Variants in RGS7 observed in about 807,000 individuals in gnomAD.
RGS7 encodes regulator of G protein signaling 7, also known as regulator of G-protein signaling 7.
A neutral mutation model predicts 81.1 loss-of-function variants in RGS7; 27 were observed. That is an observed-to-expected ratio of 0.33 (90% CI 0.25 to 0.46). RGS7 has a LOEUF of 0.46. Ranked by LOEUF, RGS7 falls within the 20% of genes least tolerant of loss-of-function variation. The pLI is 1.00. For missense variants in RGS7, 396 were observed against 607.4 expected, an observed-to-expected ratio of 0.65 and a Z score of 3.66; for synonymous variants, 208 against 207.7, an observed-to-expected ratio of 1.00 and a Z score of -0.01.
At chr1:240,826,104 A>G (rs1005318774) in intron 10 of RGS7, among the ~76,000 whole-genome samples, 2 of 152,172 alleles carry the variant, frequency 1.3e-5, no homozygotes, top group Admixed American at 6.5e-5. Flanking sequence ...TGGGCCAGCC[A>G]CCAGAGAGAC....
chr1:241,287,180 G>C (rs1031935820), intron 2 of RGS7, among the ~76,000 whole-genome samples: 4 of 152,198 alleles, frequency 2.6e-5, no homozygotes, highest in African/African-American at 9.7e-5. Context: ...TTCTGAGGGT[G>C]TAATTGACAA....
intron 2 of RGS7, among the ~76,000 whole-genome samples, chr1:241,222,274 A>C (rs1293024874): frequency 6.6e-6 from 1 of 152,218 alleles, no homozygotes; most frequent in Non-Finnish European, 1.5e-5. Flanking sequence ...AGTGGTTCTC[A>C]AACTCAGCTG....
At chr1:241,095,975 T>G (rs74150214) in intron 3 of RGS7, among the ~76,000 whole-genome samples, 1 of 152,154 alleles carries the variant, frequency 6.6e-6, no homozygotes, top group Admixed American at 6.5e-5. Flanking sequence ...GAGCACAAAT[T>G]GGTAACTTGA....
At chr1:240,954,508 A>G (rs949129099) in intron 4 of RGS7, among the ~76,000 whole-genome samples, 4 of 152,034 alleles carry the variant, frequency 2.6e-5, no homozygotes, top group African/African-American at 9.7e-5. Flanking sequence ...GATCATATCA[A>G]TTTGTGACAA....
intron 2 of RGS7, among the ~76,000 whole-genome samples, chr1:241,181,923 A>T (rs1318126887): frequency 6.6e-6 from 1 of 152,126 alleles, no homozygotes; most frequent in Non-Finnish European, 1.5e-5. Context: ...CTAGTCTCAA[A>T]TTCCTGGCAT....
At chr1:241,063,232 A>G (rs2061841018) in intron 3 of RGS7, among the ~76,000 whole-genome samples, 1 of 152,182 alleles carries the variant, frequency 6.6e-6, no homozygotes, top group Non-Finnish European at 1.5e-5. Flanking sequence ...AAGAAGCAAA[A>G]AGAAAAATAG....
chr1:241,059,506 G>T (rs2061638346), intron 3 of RGS7, among the ~76,000 whole-genome samples: 1 of 152,160 alleles, frequency 6.6e-6, no homozygotes, highest in Admixed American at 6.5e-5. Context: ...CTTCAAAACT[G>T]CTTCATACTG....
At chr1:240,829,692 G>A (rs1456694857) in intron 9 of RGS7, among the ~76,000 whole-genome samples, 1 of 152,142 alleles carries the variant, frequency 6.6e-6, no homozygotes, top group African/African-American at 2.4e-5. Flanking sequence ...AGCATTTGGA[G>A]AGGCTGAGGT....
Position 240,998,773 on chromosome 1 carries a change from C to A in RGS7, c.176-15644G>T, listed in dbSNP as rs140737646. On this transcript the variant is annotated intron_variant, in intron 3 of 18. Coordinates refer to ENST00000440928, the MANE Select transcript of RGS7 (RefSeq NM_001364886.1). The stretch of plus-strand genomic sequence containing the variant: ...GGAATGAGGGCCAGGTAGATGCAGG[C>A]GAGCTGGGAGACGAAGGCCATGGCA... 2,779 of 711,824 alleles carry A rather than the reference C, an allele frequency of 3.9e-3. 18 individuals are homozygous for A. The highest frequency in any genetic ancestry group is 5.6e-3 in the Non-Finnish European group (2,174 of 391,620). The allele number at this position is 711,824 out of a possible 1,614,324, so 44.1% of individuals were successfully genotyped here. A position where few individuals can be genotyped will look rare whatever the true frequency, so the allele number is the denominator to read the frequency against.
chr1:241,333,581 A>G (rs979196054), intron 2 of RGS7, among the ~76,000 whole-genome samples: 2 of 152,160 alleles, frequency 1.3e-5, no homozygotes, highest in African/African-American at 4.8e-5. Context: ...AAAGGAAATA[A>G]TATCTCTGGA....
At chr1:241,017,261 G>A (rs1018639070) in intron 3 of RGS7, among the ~76,000 whole-genome samples, 10 of 152,074 alleles carry the variant, frequency 6.6e-5, no homozygotes, top group African/African-American at 2.2e-4. Flanking sequence ...GGTCAACACG[G>A]TGAAACCCCG....
chr1:241,351,086 T>A (rs917454593), intron 2 of RGS7, among the ~76,000 whole-genome samples: 1 of 152,152 alleles, frequency 6.6e-6, no homozygotes, highest in African/African-American at 2.4e-5. Flanking sequence ...TGTGACTTCA[T>A]ATAAGAAAAG....
At chr1:240,807,593 TTTTG>T (rs1163038572) in intron 14 of RGS7, among the ~76,000 whole-genome samples, 1 of 152,198 alleles carries the variant, frequency 6.6e-6, no homozygotes, top group Non-Finnish European at 1.5e-5. Flanking sequence ...CATTTCCAGA[TTTTG>T]TTTTTTTATA....
intron 2 of RGS7, among the ~76,000 whole-genome samples, chr1:241,291,570 C>CTTTTTTTTTTTTTTTTTTTTTTT (rs397947911): frequency 1.4e-4 from 13 of 94,160 alleles, no homozygotes; most frequent in African/African-American, 4.1e-4. Context: ...GAATTCCCAG[C>CTTTTTTTTTTTTTTTTTTTTTTT]TTTTTTTTTT....
chr1:240,810,263 G>A (rs1332079948), intron 14 of RGS7, among the ~76,000 whole-genome samples: 1 of 152,086 alleles, frequency 6.6e-6, no homozygotes, highest in Non-Finnish European at 1.5e-5. Context: ...TTTAATGAGA[G>A]AAGGCGATGT....
intron 9 of RGS7, among the ~76,000 whole-genome samples, chr1:240,835,486 C>T (rs745589224): frequency 1.3e-5 from 2 of 152,160 alleles, no homozygotes; most frequent in African/African-American, 2.4e-5. Context: ...CATTCATTGC[C>T]AGTGGGAATG....
At chr1:240,929,467 CTG>C (rs1675027724) in intron 6 of RGS7, among the ~76,000 whole-genome samples, 1 of 150,370 alleles carries the variant, frequency 6.7e-6, no homozygotes, top group South Asian at 2.1e-4. Context: ...TTTCGGTATT[CTG>C]GTTTTTAGAT....
chr1:241,179,283 G>C (rs72758885), intron 2 of RGS7, among the ~76,000 whole-genome samples: 34,165 of 152,070 alleles, frequency 0.22, 4,268 homozygotes, highest in African/African-American at 0.33. Flanking sequence ...ATTTTAAATA[G>C]AGACGGGGTT....
chr1:240,982,265 CA>C (rs1572109927), intron 4 of RGS7, among the ~76,000 whole-genome samples: 1 of 151,496 alleles, frequency 6.6e-6, no homozygotes, highest in Non-Finnish European at 1.5e-5. Context: ...ACTAAAAATA[CA>C]AAAAAATTAG....
Sources: gnomAD v4.1 joint callset for allele counts (sites outside exome capture counted in the v4.1 genomes callset) on GRCh38, gnomAD v4.1.1 for gene constraint, MANE v1.5 for transcripts, NCBI Gene and HGNC (gene_info 2026-07-23, HGNC 2026-07-21) for gene names.